WDCP: variants seen among roughly 807,000 people sequenced by gnomAD.
The protein encoded by WDCP is WD repeat and coiled-coil-containing protein.
In WDCP, 19 loss-of-function variants were observed where a neutral mutation model predicts 41.6. The observed-to-expected ratio is 0.46, with a 90% CI of 0.32 to 0.67. WDCP has a LOEUF of 0.67. Ranked by LOEUF, WDCP falls within the 30% of genes least tolerant of loss-of-function variation. The pLI, the probability that WDCP is intolerant of heterozygous loss-of-function variation, is 0.04. For missense variants in WDCP, 802 were observed against 850.7 expected, an observed-to-expected ratio of 0.94 and a Z score of 0.71; for synonymous variants, 302 against 320.8, an observed-to-expected ratio of 0.94 and a Z score of 0.63.
intron 1 of WDCP, 51 bp from the exon 2 acceptor site, chr2:24,039,563 A>T (rs1663360884): frequency 6.7e-5 from 103 of 1,529,942 alleles, no homozygotes; most frequent in Non-Finnish European, 9.0e-5. Context: ...AGACAAATCT[A>T]GAATGTAGGA....
chr2:24,041,303 C>T (rs1663423216), intron 1 of WDCP, among the ~76,000 whole-genome samples: 1 of 150,376 alleles, frequency 6.6e-6, no homozygotes, highest in South Asian at 2.1e-4. Context: ...TGCACCATTG[C>T]ACTTCAGCCT....
At position 24,038,693 on chromosome 2, in the gene WDCP, C is replaced by G. The variant is rs753687731; in HGVS notation, c.802G>C (p.Glu268Gln). Residue 268 changes from glutamate (E) to glutamine (Q), a missense_variant, in exon 2 of 4, where the codon GAA (glutamate) becomes CAA (glutamine). This residue lies in a region of WDCP where 247 missense variants were observed against 240.5 expected (regional missense o/e 1.03). Transcript: ENST00000295148. ...RSMDKEATDS[E>Q]TNSEVSVSSS... ...GAAACTGATACTTCAGAATTTGTTT[C>G]AGAATCAGTTGCCTCTTTATCCATA... The G allele has an allele frequency of 8.7e-6, 14 of 1,614,036 alleles. No individual in the cohort carries two copies. In the Admixed American group the frequency reaches 2.3e-4, roughly 27 times the overall value.
chr2:24,043,511 CA>C (rs751980928), intron 1 of WDCP, among the ~76,000 whole-genome samples: 1 of 151,940 alleles, frequency 6.6e-6, no homozygotes, highest in Admixed American at 6.6e-5. Flanking sequence ...CAAAACAAAA[CA>C]AAAAACCCCC....
chr2:24,045,664 G>T (rs1663599611), intron 1 of WDCP, among the ~76,000 whole-genome samples: 1 of 137,602 alleles, frequency 7.3e-6, no homozygotes, highest in Admixed American at 7.1e-5. Context: ...GAAGGGGGAG[G>T]GGGAGGGAAG....
chr2:24,045,908 C>T (rs1663609272), intron 1 of WDCP: 1 of 151,936 alleles, frequency 6.6e-6, no homozygotes, highest in African/African-American at 2.4e-5. Context: ...ACAGGGATGA[C>T]TTGCAAATTT....
chr2:24,042,530 C>T (rs1454138005), intron 1 of WDCP, among the ~76,000 whole-genome samples: 1 of 118,690 alleles, frequency 8.4e-6, no homozygotes, highest in Non-Finnish European at 1.7e-5. Flanking sequence ...AGCAATACTC[C>T]GTCTCAAAAA....
At chr2:24,045,631 G>GAGGAAGGA (rs4041250) in intron 1 of WDCP, among the ~76,000 whole-genome samples, 2 of 106,154 alleles carry the variant, frequency 1.9e-5, no homozygotes, top group African/African-American at 9.5e-5. Flanking sequence ...GAGAGAGAGA[G>GAGGAAGGA]AGGAAGGAAG....
intron 1 of WDCP, among the ~76,000 whole-genome samples, chr2:24,045,596 A>G (rs1240463076): frequency 2.7e-5 from 3 of 110,012 alleles, no homozygotes; most frequent in African/African-American, 7.1e-5. Flanking sequence ...GCAAGACTCC[A>G]TCTCAAAAAA....
intron 2 of WDCP, among the ~76,000 whole-genome samples, chr2:24,035,999 T>A (rs1314629283): frequency 6.8e-6 from 1 of 147,792 alleles, no homozygotes; most frequent in Non-Finnish European, 1.5e-5. Flanking sequence ...AACCTGGGAG[T>A]TGGAGGTTGC....
intron 2 of WDCP, among the ~76,000 whole-genome samples, chr2:24,035,240 G>A (rs1017666985): frequency 6.6e-6 from 1 of 151,786 alleles, no homozygotes; most frequent in Non-Finnish European, 1.5e-5. Flanking sequence ...TGAAAAAAGA[G>A]CTCTGTGTGC....
At chr2:24,033,094 T>C (rs932210248) in intron 2 of WDCP, 148 bp from the exon 3 acceptor site, 76 of 707,122 alleles carry the variant, frequency 1.1e-4, no homozygotes, top group Non-Finnish European at 1.8e-4. Context: ...AGCTCTTTGC[T>C]GCATTATTTA....
intron 1 of WDCP, among the ~76,000 whole-genome samples, chr2:24,043,888 T>TA (rs112141110): frequency 0.27 from 39,494 of 147,370 alleles, 5,519 homozygotes; most frequent in South Asian, 0.34. Flanking sequence ...ATCTTTCACT[T>TA]AAAAAAAAAA....
intron 2 of WDCP, among the ~76,000 whole-genome samples, chr2:24,036,951 T>A (rs1029862588): frequency 1.3e-5 from 2 of 152,262 alleles, no homozygotes; most frequent in Non-Finnish European, 2.9e-5. Flanking sequence ...TAAAAACATG[T>A]ATAATATGAT....
intron 2 of WDCP, among the ~76,000 whole-genome samples, chr2:24,037,058 C>T (rs1211361892): frequency 6.6e-6 from 1 of 152,230 alleles, no homozygotes; most frequent in East Asian, 1.9e-4. Context: ...GACGGAGTCT[C>T]GCCCTGTTGC....
Position 24,039,263 on chromosome 2 carries a change from C to T in WDCP, c.232G>A (p.Ala78Thr), listed in dbSNP as rs767095603. The T allele has an allele frequency of 1.4e-5, 22 of 1,614,082 alleles. No individual in the cohort carries two copies. Among genetic ancestry groups the T allele is most frequent in the African/African-American group, 1.3e-4 (10 of 74,928 alleles). Residue 78 changes from alanine to threonine, a missense_variant, in exon 2 of 4, where the codon GCT becomes ACT. Ala to Thr is a moderately conservative substitution (Grantham distance 58). Around this residue, in one of 5 missense-constraint regions of WDCP, gnomAD observed 214 missense variants for 252.9 expected, o/e 0.85. Transcript: ENST00000295148. Reference sequence around the variant, plus strand: ...GTGACATGCTTCTCATGCTGGACAGCGAGTAGAACAGGTGTATCATCTGCA... The same window carrying T: ...GTGACATGCTTCTCATGCTGGACAGTGAGTAGAACAGGTGTATCATCTGCA... ...PVADDTPVLL[A>T]VQHEKHVTVW...
Position 24,037,756 on chromosome 2 carries a change from T to C in WDCP, c.1739A>G (p.Asn580Ser). 6.2e-7 allele frequency: 1 copy of C among 1,614,154 alleles called. No individual in the cohort carries two copies. Among genetic ancestry groups the C allele is most frequent in the Non-Finnish European group, 8.5e-7 (1 of 1,180,002 alleles). Reference protein sequence around the residue: ...EMQRCLSELTNRLHNGKKSSS... With the variant: ...EMQRCLSELTSRLHNGKKSSS... The stretch of plus-strand genomic sequence containing the variant: ...GGATTTCTTCCCATTATGCAGACGG[T>C]TTGTAAGTTCAGAAAGACACCGTTG... Residue 580 changes from asparagine (N) to serine (S), a missense_variant, in exon 2 of 4, where the codon AAC (asparagine) becomes AGC (serine). Asn to Ser is a conservative substitution (Grantham distance 46). This residue lies in a region of WDCP where 321 missense variants were observed against 305.1 expected (regional missense o/e 1.05). Transcript: ENST00000295148.
At chr2:24,035,486 T>C (rs1415557767) in intron 2 of WDCP, among the ~76,000 whole-genome samples, 1 of 151,980 alleles carries the variant, frequency 6.6e-6, no homozygotes, top group Non-Finnish European at 1.5e-5. Flanking sequence ...AAATACAGTT[T>C]TGCTTTTTAA....
In WDCP at chr2:24,030,599, C is replaced by T. The variant is rs1328471648; in HGVS notation, c.*334G>A. The T allele has an allele frequency of 4.4e-6, 1 of 228,296 alleles. No homozygotes were observed. The highest frequency in any genetic ancestry group is 5.2e-5 in the Admixed American group (1 of 19,416). 14.1% of individuals were successfully genotyped at this position (228,296 alleles called of 1,614,324 possible). A position where few individuals can be genotyped will look rare whatever the true frequency, so the allele number is the denominator to read the frequency against. ...TGCTCCTAAGACAGCTTCAATGCAG[C>T]TTTGGACAAGGGACACAAAGCCTCA... On this transcript the variant is annotated 3_prime_UTR_variant, in exon 4 of 4. Coordinates refer to ENST00000295148, the MANE Select transcript of WDCP (RefSeq NM_025203.3).
chr2:24,033,773 A>T (rs963367843), intron 2 of WDCP, among the ~76,000 whole-genome samples: 1 of 151,816 alleles, frequency 6.6e-6, no homozygotes, highest in Non-Finnish European at 1.5e-5. Flanking sequence ...ACAGTTGTAT[A>T]AGTTATGTGT....
Sources: allele counts gnomAD v4.1 joint callset (sites outside exome capture counted in the v4.1 genomes callset), GRCh38; gene constraint gnomAD v4.1.1; regional missense constraint gnomAD v4.1.1; transcripts MANE v1.5; gene names NCBI Gene and HGNC (gene_info 2026-07-23, HGNC 2026-07-21).